LONP2: variants seen among roughly 807,000 people sequenced by gnomAD.
LONP2 encodes the protein lon protease homolog 2, peroxisomal.
LONP2 carries 60 observed loss-of-function variants against 85.6 expected under a neutral mutation model. The ratio of observed to expected loss-of-function variants is 0.70; its 90% CI spans 0.57 to 0.87. The LOEUF is 0.87. Among genes scored for constraint, LONP2 ranks in the 40% least tolerant of loss-of-function variants. The pLI, the probability that LONP2 is intolerant of heterozygous loss-of-function variation, is 0.00. For synonymous variants in LONP2, 395 were observed against 389.7 expected (o/e 1.01, Z -0.16); for missense variants, 860 against 1,063.5 (o/e 0.81, Z 2.66).
In LONP2 at chr16:48,270,254, G is replaced by A. The variant is rs1972076066; in HGVS notation, c.1221G>A (p.Gln407=). 1.2e-6 allele frequency: 2 copies of A among 1,613,972 alleles called. No individual in the cohort carries two copies. The change falls in exon 7 of 15, where the codon CAG becomes CAA. Residue 407 remains glutamine (Q), a synonymous_variant. Transcript: ENST00000285737. ...HRIALGGVCD[Q]SDIRGHRRTY... ...TTGCACTTGGAGGAGTATGTGATCA[G>A]TCTGACATTCGAGGACACAGGTAGA...
rs1972230466 is a variant in LONP2 at position 48,277,318 on chromosome 16, G to A, written c.1242-20G>A. On this transcript the variant is annotated intron_variant, in intron 7 of 14. Coordinates refer to ENST00000285737, the MANE Select transcript of LONP2 (RefSeq NM_031490.5). ...CCTCCTGACATCTCACACTGTGAATGTGCTACTTGCTTTCTCTAGGCGCAC... is the reference window on the plus strand; with the variant it reads ...CCTCCTGACATCTCACACTGTGAATATGCTACTTGCTTTCTCTAGGCGCAC... 7 of 1,609,610 alleles carry A rather than the reference G, an allele frequency of 4.3e-6. No homozygotes were observed. Among genetic ancestry groups the A allele is most frequent in the Non-Finnish European group, 5.9e-6 (7 of 1,178,418 alleles).
Position 48,244,540 on chromosome 16 carries a change from C to A in LONP2, c.152C>A (p.Ser51Ter), listed in dbSNP as rs1403047692. The change falls in exon 1 of 15, where the codon TCG (serine) becomes TAG (stop). Residue 51 changes from serine (S) to a stop codon, truncating the protein, a stop_gained. Coordinates refer to ENST00000285737, the MANE Select transcript of LONP2 (RefSeq NM_031490.5). LOFTEE classifies it high-confidence loss of function. ...CGGAGCCGCCTTCTGAAGGGCACGT[C>A]GCTGCAAAGCACCATCCTGGGCGTC... ...LVRSRLLKGT[S>*]LQSTILGVIP... 3.2e-6 allele frequency: 5 copies of A among 1,563,908 alleles called. No homozygotes were observed. The highest frequency in any genetic ancestry group is 1.2e-5 in the South Asian group (1 of 85,312).
intron 12 of LONP2, among the ~76,000 whole-genome samples, chr16:48,346,673 C>G (rs911258306): frequency 6.6e-6 from 1 of 152,080 alleles, no homozygotes; most frequent in Non-Finnish European, 1.5e-5. Context: ...TGGTCTCTAT[C>G]GAACTCCTGG....
At chr16:48,293,010 T>C (rs1006863546) in intron 8 of LONP2, among the ~76,000 whole-genome samples, 12 of 152,246 alleles carry the variant, frequency 7.9e-5, no homozygotes, top group African/African-American at 2.9e-4. Context: ...TTAATTTTCC[T>C]ACTTTTTAAA....
At chr16:48,304,765 G>A (rs1418558658) in intron 11 of LONP2, among the ~76,000 whole-genome samples, 2 of 152,108 alleles carry the variant, frequency 1.3e-5, no homozygotes, top group South Asian at 2.1e-4. Context: ...ACTGTAAGGG[G>A]TCTCAGTTCA....
chr16:48,360,460 A>C (rs1960539764), downstream of LONP2: 1 of 152,652 alleles, frequency 6.6e-6, no homozygotes, highest in African/African-American at 2.4e-5. Context: ...CTATATAATT[A>C]AAGTATGGAA....
At chr16:48,329,799 T>C (rs181097367) in intron 11 of LONP2, among the ~76,000 whole-genome samples, 1 of 152,372 alleles carries the variant, frequency 6.6e-6, no homozygotes, top group African/African-American at 2.4e-5. Context: ...AAACCATTTT[T>C]AGTGACTGTA....
chr16:48,338,063 C>G (rs936111728), intron 12 of LONP2, among the ~76,000 whole-genome samples: 1 of 152,206 alleles, frequency 6.6e-6, no homozygotes, highest in African/African-American at 2.4e-5. Context: ...CTGCCTCAGC[C>G]TCCCAAAGTG....
chr16:48,298,396 T>C (rs371075795), intron 9 of LONP2, among the ~76,000 whole-genome samples: 18 of 152,240 alleles, frequency 1.2e-4, no homozygotes, highest in East Asian at 1.2e-3. Flanking sequence ...GTTCTAAATA[T>C]ACTATATATA....
intron 11 of LONP2, among the ~76,000 whole-genome samples, chr16:48,316,245 G>T (rs1403767113): frequency 6.6e-6 from 1 of 150,598 alleles, no homozygotes; most frequent in Non-Finnish European, 1.5e-5. Flanking sequence ...TACCTTAGGT[G>T]ATCTGCCCTC....
chr16:48,315,237 G>A (rs185334450), intron 11 of LONP2, among the ~76,000 whole-genome samples: 37 of 152,312 alleles, frequency 2.4e-4, no homozygotes, highest in Admixed American at 1.6e-3. Context: ...TGCCTTGCCT[G>A]TTTGACTTTG....
At chr16:48,296,485 T>C (rs1289774463) in intron 9 of LONP2, among the ~76,000 whole-genome samples, 1 of 152,152 alleles carries the variant, frequency 6.6e-6, no homozygotes, top group Non-Finnish European at 1.5e-5. Context: ...CCCAGCACTT[T>C]GGGAGGCTGA....
chr16:48,272,373 A>G (rs1321705481), intron 7 of LONP2, among the ~76,000 whole-genome samples: 2 of 152,220 alleles, frequency 1.3e-5, no homozygotes, highest in Non-Finnish European at 2.9e-5. Flanking sequence ...GACAGTGTAT[A>G]GTGTCATGGT....
chr16:48,259,464 C>T (rs974801802), intron 4 of LONP2, among the ~76,000 whole-genome samples: 4 of 152,052 alleles, frequency 2.6e-5, no homozygotes, highest in African/African-American at 9.7e-5. Context: ...TATGTCTGGA[C>T]AGAGTTTATA....
intron 9 of LONP2, among the ~76,000 whole-genome samples, chr16:48,298,391 A>G (rs1972720053): frequency 6.6e-6 from 1 of 152,176 alleles, no homozygotes; most frequent in Admixed American, 6.5e-5. Context: ...TATGTGTTCT[A>G]AATATACTAT....
At chr16:48,274,335 T>TAAAGGAGATACATAAAGGAGATA (rs1395731717) in intron 7 of LONP2, among the ~76,000 whole-genome samples, 3 of 152,150 alleles carry the variant, frequency 2.0e-5, no homozygotes, top group Non-Finnish European at 4.4e-5. Context: ...AGGGGATTTA[T>TAAAGGAGATACATAAAGGAGATA]CGTCTATCTC....
chr16:48,327,838 TAGTG>T (rs1229151415), intron 11 of LONP2, among the ~76,000 whole-genome samples: 3 of 152,228 alleles, frequency 2.0e-5, no homozygotes, highest in Non-Finnish European at 4.4e-5. Context: ...TGAAATATAA[TAGTG>T]ATATATAGTA....
intron 6 of LONP2, among the ~76,000 whole-genome samples, chr16:48,267,808 G>T (rs559279489): frequency 3.9e-5 from 6 of 152,014 alleles, no homozygotes; most frequent in East Asian, 3.9e-4. Flanking sequence ...TAGAGATGGG[G>T]TTTCACCATG....
intron 7 of LONP2, 138 bp downstream of exon 7, chr16:48,270,412 CA>C: frequency 1.1e-6 from 1 of 938,312 alleles, no homozygotes; most frequent in East Asian, 2.6e-5. Context: ...AGGACATTTA[CA>C]AGAAGTATCA....
Sources: allele counts gnomAD v4.1 joint callset (sites outside exome capture counted in the v4.1 genomes callset), GRCh38; gene constraint gnomAD v4.1.1; transcripts MANE v1.5; gene names NCBI Gene and HGNC (gene_info 2026-07-23, HGNC 2026-07-21).